The following PUDP variants were observed in gnomAD, a reference collection of about 807,000 sequenced individuals.
PUDP encodes the protein pseudouridine 5'-phosphatase.
In PUDP, 8 loss-of-function variants were observed where a neutral mutation model predicts 9.4. That is an observed-to-expected ratio of 0.85 (90% CI 0.50 to 1.53). The LOEUF is 1.53. Among genes scored for constraint, PUDP ranks in the 40% most tolerant of loss-of-function variants. The pLI is 0.00. For synonymous variants in PUDP, 99 were observed against 80.7 expected (o/e 1.23, Z -1.22); for missense variants, 188 against 189.7 (o/e 0.99, Z 0.05).
At chrX:7,099,500 G>C (rs1438943965) in intron 2 of PUDP, among the ~76,000 whole-genome samples, 2 of 112,516 alleles carry the variant, frequency 1.8e-5, no homozygotes, top group African/African-American at 6.5e-5. Flanking sequence ...TATAAGAAAT[G>C]CCTACAGAAC....
chrX:6,791,345 GA>G (rs1479669558), intron 3 of PUDP, among the ~76,000 whole-genome samples: 1 of 106,799 alleles, frequency 9.4e-6, no homozygotes, highest in Non-Finnish European at 1.9e-5. Flanking sequence ...AGAAGGAAAA[GA>G]AAAGAAAAAT....
intron 3 of PUDP, among the ~76,000 whole-genome samples, chrX:6,812,841 C>A (rs1188688665): frequency 1.8e-5 from 2 of 112,061 alleles, no homozygotes; most frequent in African/African-American, 6.5e-5. Flanking sequence ...TGCCTGTAAT[C>A]CCAGCACTTT....
chrX:6,943,844 C>T (rs951945302), intron 3 of PUDP, among the ~76,000 whole-genome samples: 5 of 111,038 alleles, frequency 4.5e-5, no homozygotes, highest in Admixed American at 9.7e-5. Flanking sequence ...ATTTTATTCC[C>T]TCTCAATAAA....
chrX:6,759,299 A>G (rs1361082323), intron 3 of PUDP, among the ~76,000 whole-genome samples: 2 of 111,259 alleles, frequency 1.8e-5, no homozygotes, highest in Non-Finnish European at 3.8e-5. Context: ...TTTATTTTTC[A>G]TTTGTTTTCT....
chrX:7,000,553 T>G (rs1487985953), intron 1 of PUDP, among the ~76,000 whole-genome samples: 1 of 109,098 alleles, frequency 9.2e-6, no homozygotes, highest in African/African-American at 3.3e-5. Context: ...TTATTAAATA[T>G]AGGAACAAAT....
At chrX:6,967,376 C>T (rs1175752140) in intron 3 of PUDP, among the ~76,000 whole-genome samples, 1 of 111,579 alleles carries the variant, frequency 9.0e-6, no homozygotes, top group East Asian at 2.8e-4. Context: ...GTTCTCCTTC[C>T]TCTTAGGCAG....
intron 1 of PUDP, among the ~76,000 whole-genome samples, chrX:7,007,336 T>C (rs1056966285): frequency 8.9e-6 from 1 of 112,046 alleles, no homozygotes; most frequent in African/African-American, 3.2e-5. Flanking sequence ...GACTGACAAA[T>C]GTTAAGTTTC....
At position 7,148,100 on chromosome X, in the gene PUDP, G is replaced by C. The variant is rs957111882; in HGVS notation, c.14C>G (p.Pro5Arg). ...AAAGATGAGGTGGGTGACGGGCTGC[G>C]GGGGCGCCGCCATGGTGGCGCCTTC... Reference protein sequence around the residue: MAAPPQPVTHLIFDM... With the variant: MAAPRQPVTHLIFDM... The change falls in exon 1 of 4, where the codon CCG becomes CGG. Residue 5 changes from proline (P) to arginine (R), a missense_variant. Coordinates refer to ENST00000381077, the MANE Select transcript of PUDP (RefSeq NM_012080.5). 3.5e-6 allele frequency: 4 copies of C among 1,133,255 alleles called. No homozygotes were observed. Among genetic ancestry groups the C allele is most frequent in the East Asian group, 7.4e-5 (2 of 27,122 alleles). The allele number at this position is 1,133,255 out of a possible 1,213,427, so 93.4% of individuals were successfully genotyped here.
intron 1 of PUDP, among the ~76,000 whole-genome samples, chrX:7,026,465 C>T (rs1195009401): frequency 8.9e-6 from 1 of 112,181 alleles, no homozygotes; most frequent in Non-Finnish European, 1.9e-5. Flanking sequence ...ATCCTTCTGA[C>T]AGTGTGCCAG....
intron 3 of PUDP, among the ~76,000 whole-genome samples, chrX:6,862,487 T>C (rs1157267702): frequency 2.7e-5 from 3 of 112,495 alleles, no homozygotes; most frequent in Admixed American, 9.4e-5. Flanking sequence ...CAACAACTTT[T>C]TTTTCATGTC....
At chrX:7,011,427 A>G (rs1191711479) in intron 1 of PUDP, among the ~76,000 whole-genome samples, 1 of 111,361 alleles carries the variant, frequency 9.0e-6, no homozygotes, top group Non-Finnish European at 1.9e-5. Context: ...CCAACAGTGT[A>G]CTGTATGCTG....
chrX:7,126,735 T>C (rs1329386557), intron 1 of PUDP, among the ~76,000 whole-genome samples: 2 of 111,565 alleles, frequency 1.8e-5, no homozygotes, highest in African/African-American at 3.3e-5. Flanking sequence ...TCTGAGGTCC[T>C]GGGGTTAGGC....
At chrX:6,772,629 G>GAAAAAAAA (rs200479446) in intron 3 of PUDP, among the ~76,000 whole-genome samples, 1 of 100,131 alleles carries the variant, frequency 1.0e-5, no homozygotes, top group Non-Finnish European at 2.0e-5. Flanking sequence ...ATACAGACAA[G>GAAAAAAAA]GAAAAAAAAA....
At chrX:6,961,394 T>C (rs1481164742) in intron 3 of PUDP, among the ~76,000 whole-genome samples, 1 of 109,661 alleles carries the variant, frequency 9.1e-6, no homozygotes, top group Non-Finnish European at 1.9e-5. Flanking sequence ...TAAAAAAAAA[T>C]AAAAAATAAA....
rs186775727 is a variant in PUDP, at chrX:6,778,036, C to T, written c.*248-71570G>A. Reference sequence around the variant, plus strand: ...ACCCAGGCTACAAGTACTCTTTTTTCCAGTAAAGATGCATTTTGAAAAGAC... The same window carrying T: ...ACCCAGGCTACAAGTACTCTTTTTTTCAGTAAAGATGCATTTTGAAAAGAC... On this transcript the variant is annotated intron_variant and NMD_transcript_variant, in intron 3 of 3. Coordinates refer to the PUDP transcript ENST00000655425. Among the ~76,000 whole-genome samples, 575 of 111,650 alleles carry T rather than the reference C, an allele frequency of 5.2e-3. 4 individuals carry two copies. Among genetic ancestry groups the T allele is most frequent in the Non-Finnish European group, 5.8e-3 (307 of 53,081 alleles).
intron 3 of PUDP, among the ~76,000 whole-genome samples, chrX:6,876,639 A>ATGTGTGTG (rs111935866): frequency 0.028 from 2,636 of 92,750 alleles, 35 homozygotes; most frequent in Admixed American, 0.037. Flanking sequence ...CTAAAATGTT[A>ATGTGTGTG]TGTGTGTGTG....
At chrX:7,121,053 T>C (rs1253672437) in intron 1 of PUDP, among the ~76,000 whole-genome samples, 1 of 111,823 alleles carries the variant, frequency 8.9e-6, no homozygotes, top group Admixed American at 9.5e-5. Context: ...GTGTGGGAAC[T>C]GTGTCACGGT....
intron 3 of PUDP, among the ~76,000 whole-genome samples, chrX:7,068,793 A>G (rs918643381): frequency 5.4e-5 from 6 of 112,028 alleles, no homozygotes; most frequent in Non-Finnish European, 7.5e-5. Context: ...GTGCAGATTC[A>G]TGAGCCTGGG....
At chrX:6,948,603 G>A (rs888437359) in intron 3 of PUDP, among the ~76,000 whole-genome samples, 2 of 111,988 alleles carry the variant, frequency 1.8e-5, no homozygotes, top group Non-Finnish European at 3.8e-5. Context: ...TGAAGCCCAC[G>A]CTATTGGTCC....
Sources: allele counts gnomAD v4.1 joint callset (sites outside exome capture counted in the v4.1 genomes callset), GRCh38; gene constraint gnomAD v4.1.1; transcripts MANE v1.5; gene names NCBI Gene and HGNC (gene_info 2026-07-23, HGNC 2026-07-21).